The following PDK1 variants were observed in gnomAD, a reference collection of about 807,000 sequenced individuals.
PDK1 encodes [Pyruvate dehydrogenase (acetyl-transferring)] kinase isozyme 1, mitochondrial.
In PDK1, 39 loss-of-function variants were observed where a neutral mutation model predicts 54.2. The ratio of observed to expected loss-of-function variants is 0.72; its 90% CI spans 0.56 to 0.94. PDK1 has a LOEUF of 0.94. Among genes scored for constraint, PDK1 ranks in the 40% least tolerant of loss-of-function variants. PDK1 has a pLI of 0.00. For synonymous variants in PDK1, 221 were observed against 207.1 expected (o/e 1.07, Z -0.58); for missense variants, 552 against 566.0 (o/e 0.98, Z 0.25).
the PDK1 span, among the ~76,000 whole-genome samples, chr2:172,634,233 G>A: frequency 3.0e-4 from 26 of 86,300 alleles, no homozygotes; most frequent in East Asian, 1.5e-3. Context: ...AGTTCTTGCC[G>A]TGTTAGAAGA....
chr2:172,705,890 TGTA>T, the PDK1 span, among the ~76,000 whole-genome samples: 1 of 152,214 alleles, frequency 6.6e-6, no homozygotes, highest in Non-Finnish European at 1.5e-5. Flanking sequence ...AGAACTTACT[TGTA>T]GTATTGAGAA....
intron 6 of PDK1, 46 bp downstream of exon 6, chr2:172,566,979 C>T (rs747950592): frequency 8.2e-7 from 1 of 1,225,126 alleles, no homozygotes; most frequent in Admixed American, 1.8e-5. Flanking sequence ...GCTTTGATTA[C>T]TTGATAAGGG....
At chr2:172,710,191 G>A in the PDK1 span, among the ~76,000 whole-genome samples, 1 of 152,112 alleles carries the variant, frequency 6.6e-6, no homozygotes, top group Non-Finnish European at 1.5e-5. Flanking sequence ...TCACGGTAAA[G>A]GCACTCTTAG....
At chr2:172,651,666 A>G in the PDK1 span, among the ~76,000 whole-genome samples, 1 of 152,256 alleles carries the variant, frequency 6.6e-6, no homozygotes, top group Non-Finnish European at 1.5e-5. Flanking sequence ...AATACAAACT[A>G]CCATCAGAGA....
At chr2:172,723,939 A>C in the PDK1 span, 1 of 152,202 alleles carries the variant, frequency 6.6e-6, no homozygotes, top group Admixed American at 6.5e-5. Flanking sequence ...CTGTAGGTTT[A>C]AACATTTTCA....
At chr2:172,617,217 T>A in the PDK1 span, among the ~76,000 whole-genome samples, 1 of 152,124 alleles carries the variant, frequency 6.6e-6, no homozygotes, top group Non-Finnish European at 1.5e-5. Flanking sequence ...CCTCCCAAAG[T>A]GCTAAGATTA....
chr2:172,583,733 C>A (rs1690053146), intron 8 of PDK1, among the ~76,000 whole-genome samples: 1 of 151,762 alleles, frequency 6.6e-6, no homozygotes, highest in Non-Finnish European at 1.5e-5. Context: ...TACATAATTA[C>A]CATTATAAAG....
At chr2:172,620,281 T>C in the PDK1 span, among the ~76,000 whole-genome samples, 1 of 152,152 alleles carries the variant, frequency 6.6e-6, no homozygotes, top group African/African-American at 2.4e-5. Flanking sequence ...TAAAATATCA[T>C]GAATAAGATT....
At chr2:172,639,697 A>G in the PDK1 span, among the ~76,000 whole-genome samples, 7 of 152,294 alleles carry the variant, frequency 4.6e-5, no homozygotes, top group African/African-American at 7.2e-5. Context: ...GCAGTGTAAC[A>G]GTTTTGAGAA....
the PDK1 span, among the ~76,000 whole-genome samples, chr2:172,668,936 G>A: frequency 1.6e-5 from 2 of 128,356 alleles, no homozygotes; most frequent in South Asian, 2.5e-4. Flanking sequence ...GAGAGAGAGA[G>A]AGAAAGAGAG....
chr2:172,593,598 T>G (rs1371102336), intron 10 of PDK1, among the ~76,000 whole-genome samples: 1 of 152,238 alleles, frequency 6.6e-6, no homozygotes, highest in Non-Finnish European at 1.5e-5. Flanking sequence ...ATCTTAGTTT[T>G]CAAGGAAACA....
Position 172,602,342 on chromosome 2 carries a change from A to C in PDK1, c.*6373A>C, listed in dbSNP as rs1691143500. 1 of 152,234 alleles carries C rather than the reference A, an allele frequency of 6.6e-6. No homozygotes were observed. The highest frequency in any genetic ancestry group is 1.5e-5 in the Non-Finnish European group (1 of 68,038). 9.4% of individuals were successfully genotyped at this position (152,234 alleles called of 1,614,324 possible). A position where few individuals can be genotyped will look rare whatever the true frequency, so the allele number is the denominator to read the frequency against. On this transcript the variant is annotated 3_prime_UTR_variant, in exon 11 of 11. Transcript: ENST00000282077. ...GGAGGATGTTTTAATAAAAATATGT[A>C]ATTTACCTCTCTACAGATTAAAGGA...
chr2:172,566,788 C>T, intron 5 of PDK1, 68 bp from the exon 6 acceptor site: 1 of 927,900 alleles, frequency 1.1e-6, no homozygotes, highest in Middle Eastern at 2.6e-4. Flanking sequence ...AATACCATTG[C>T]CATCTTAATG....
chr2:172,686,085 G>A, the PDK1 span, among the ~76,000 whole-genome samples: 1 of 152,150 alleles, frequency 6.6e-6, no homozygotes, highest in Admixed American at 6.5e-5. Flanking sequence ...CCACTGAAGT[G>A]CTATTTCATT....
the PDK1 span, among the ~76,000 whole-genome samples, chr2:172,689,566 A>G: frequency 3.0e-4 from 46 of 152,352 alleles, no homozygotes; most frequent in Middle Eastern, 3.4e-3. Context: ...AAAAGAACAA[A>G]GCTGGAGGGA....
the PDK1 span, chr2:172,691,249 T>G: frequency 3.3e-5 from 5 of 150,286 alleles, 1 homozygote; most frequent in East Asian, 1.0e-3. Flanking sequence ...AGGGGTACAT[T>G]CGTTACAATT....
chr2:172,652,212 A>G, the PDK1 span, among the ~76,000 whole-genome samples: 3 of 152,222 alleles, frequency 2.0e-5, no homozygotes, highest in Non-Finnish European at 4.4e-5. Flanking sequence ...AACCAAAGAC[A>G]AAAACCACAT....
In PDK1 at chr2:172,570,774, C is replaced by A. The variant is rs376882191; in HGVS notation, c.895C>A (p.Pro299Thr). 1.2e-6 allele frequency: 2 copies of A among 1,611,950 alleles called. No homozygotes were observed. Among genetic ancestry groups the A allele is most frequent in the Non-Finnish European group, 1.7e-6 (2 of 1,178,218 alleles). Residue 299 changes from proline (P) to threonine (T), a missense_variant, in exon 8 of 11, where the codon CCC becomes ACC. Pro to Thr is a conservative substitution (Grantham distance 38). Coordinates refer to ENST00000282077, the MANE Select transcript of PDK1 (RefSeq NM_002610.5). ...ACACCATGCCAACAGAGGTGTTTAC[C>A]CCCCTATTCAAGTTCATGTCACGCT... ...MEHHANRGVY[P>T]PIQVHVTLGN...
chr2:172,621,612 T>G, the PDK1 span, among the ~76,000 whole-genome samples: 1 of 147,730 alleles, frequency 6.8e-6, no homozygotes, highest in Non-Finnish European at 1.5e-5. Context: ...TGTTTATATA[T>G]CATATATGTT....
Sources: gnomAD v4.1 joint callset for allele counts (sites outside exome capture counted in the v4.1 genomes callset) on GRCh38, gnomAD v4.1.1 for gene constraint, MANE v1.5 for transcripts, NCBI Gene and HGNC (gene_info 2026-07-23, HGNC 2026-07-21) for gene names.